Variants in SNX2 observed in about 807,000 individuals in gnomAD.
The protein encoded by SNX2 is sorting nexin 2.
SNX2 carries 25 observed loss-of-function variants against 69.9 expected under a neutral mutation model. The ratio of observed to expected loss-of-function variants is 0.36; its 90% CI spans 0.26 to 0.50. The LOEUF (loss-of-function observed/expected upper bound fraction) is 0.50, where lower values mean the gene tolerates loss of function less well. SNX2 is among the 20% of genes least tolerant of loss of function. The pLI, the probability that SNX2 is intolerant of heterozygous loss-of-function variation, is 0.97. For missense variants in SNX2, 551 were observed against 613.3 expected (o/e 0.90, Z 1.07); for synonymous variants, 229 against 200.4 (o/e 1.14, Z -1.20).
chr5:122,788,573 G>A (rs1002919750), intron 1 of SNX2, among the ~76,000 whole-genome samples: 1 of 151,998 alleles, frequency 6.6e-6, no homozygotes, highest in Non-Finnish European at 1.5e-5. Flanking sequence ...AGTTATCTTT[G>A]TTATTCAGAT....
rs1434828744 is a variant in SNX2 at position 122,833,370 on chromosome 5, T to TA, written c.*3723dup. 5 of 152,288 alleles carry TA rather than the reference T, an allele frequency of 3.3e-5. No individual in the cohort carries two copies. Among genetic ancestry groups the TA allele is most frequent in the African/African-American group, 1.2e-4 (5 of 41,570 alleles). 9.4% of individuals were successfully genotyped at this position (152,288 alleles called of 1,614,324 possible). Reference sequence around the variant, plus strand: ...AGAGCATAGAACAATATAAATATAATATGGGCCATATATATAATTTTAAAA... The same window carrying TA: ...AGAGCATAGAACAATATAAATATAATAATGGGCCATATATATAATTTTAAAA... On this transcript the variant is annotated 3_prime_UTR_variant, in exon 15 of 15. Coordinates refer to ENST00000379516, the MANE Select transcript of SNX2 (RefSeq NM_003100.4).
At chr5:122,826,756 C>A in intron 12 of SNX2, 1 of 383,630 alleles carries the variant, frequency 2.6e-6, no homozygotes, top group Non-Finnish European at 3.6e-6. Flanking sequence ...TTGCTTAAAT[C>A]TTCAGTTATT....
intron 1 of SNX2, among the ~76,000 whole-genome samples, chr5:122,787,897 TATA>T (rs1753129171): frequency 6.6e-6 from 1 of 152,232 alleles, no homozygotes; most frequent in African/African-American, 2.4e-5. Flanking sequence ...TATACTGTAT[TATA>T]ATCTTTACTT....
At chr5:122,799,158 A>C (rs950935796) in intron 2 of SNX2, among the ~76,000 whole-genome samples, 2 of 152,224 alleles carry the variant, frequency 1.3e-5, no homozygotes, top group East Asian at 3.9e-4. Flanking sequence ...CTAAACACCT[A>C]TTTGTTTTGT....
Position 122,808,314 on chromosome 5 carries a change from A to G in SNX2, c.681A>G (p.Ser227=). 6.2e-7 allele frequency: 1 copy of G among 1,611,550 alleles called. No homozygotes were observed. The highest frequency in any genetic ancestry group is 2.2e-5 in the East Asian group (1 of 44,698). Residue 227 remains serine, a synonymous_variant, in exon 7 of 15, where the codon TCA becomes TCG. Transcript: ENST00000379516. ...TCAAAGTGGGTAAAGAAGACTCATC[A>G]TCCACTGAGTTTGTAGAAAAACGGA... ...TKVKVGKEDS[S]STEFVEKRRA...
At chr5:122,784,537 A>G (rs1197752945) in intron 1 of SNX2, among the ~76,000 whole-genome samples, 1 of 151,872 alleles carries the variant, frequency 6.6e-6, no homozygotes, top group Non-Finnish European at 1.5e-5. Flanking sequence ...CCCCACCCTC[A>G]GAATGATTTT....
intron 1 of SNX2, among the ~76,000 whole-genome samples, chr5:122,793,707 C>T (rs1055918485): frequency 1.3e-5 from 2 of 151,662 alleles, no homozygotes; most frequent in African/African-American, 4.8e-5. Flanking sequence ...GTCAGGAGTT[C>T]GAGACCAGCC....
In SNX2 at chr5:122,829,663, C is replaced by A. The variant is rs1326537264; in HGVS notation, c.*15C>A. ...CCATTGCCTAGCAATAAGATTGTTG[C>A]CGTTAAGAAGACCTTGGATGTTGTT... On this transcript the variant is annotated 3_prime_UTR_variant, in exon 15 of 15. Coordinates refer to ENST00000379516, the MANE Select transcript of SNX2 (RefSeq NM_003100.4). 1 of 1,609,546 alleles carries A rather than the reference C, an allele frequency of 6.2e-7. No homozygotes were observed. The highest frequency in any genetic ancestry group is 2.2e-5 in the East Asian group (1 of 44,824).
intron 8 of SNX2, among the ~76,000 whole-genome samples, chr5:122,816,491 C>G (rs1753902500): frequency 6.6e-6 from 1 of 152,054 alleles, no homozygotes; most frequent in Non-Finnish European, 1.5e-5. Flanking sequence ...ACTTGAGTTG[C>G]AGAATTTTTA....
In SNX2 at chr5:122,817,335, T is replaced by A; in HGVS notation, c.968T>A (p.Leu323His). ...AATCTGGATCAGCAACTTAGGAAAC[T>A]TCATGTCAGTGTTGAAGCCTTGGTC... is the stretch of plus-strand genomic sequence containing the variant. ...FENLDQQLRK[L>H]HVSVEALVCH... Residue 323 changes from leucine to histidine, a missense_variant, in exon 10 of 15, where the codon CTT becomes CAT. This residue lies in a region of SNX2 where 360 missense variants were observed against 450.4 expected (regional missense o/e 0.80). Coordinates refer to ENST00000379516, the MANE Select transcript of SNX2 (RefSeq NM_003100.4). The A allele has an allele frequency of 6.2e-7, 1 of 1,614,008 alleles. No homozygotes were observed. Among genetic ancestry groups the A allele is most frequent in the Non-Finnish European group, 8.5e-7 (1 of 1,179,912 alleles).
intron 1 of SNX2, among the ~76,000 whole-genome samples, chr5:122,789,480 C>CACGG (rs1753176282): frequency 4.0e-5 from 4 of 99,906 alleles, no homozygotes; most frequent in African/African-American, 9.5e-5. Flanking sequence ...CACGGACACA[C>CACGG]ACACACACAC....
intron 14 of SNX2, 45 bp downstream of exon 14, chr5:122,827,691 T>G: frequency 7.3e-7 from 1 of 1,369,952 alleles, no homozygotes; most frequent in Non-Finnish European, 1.0e-6. Flanking sequence ...AATTTGTTTT[T>G]GGTATACTTT....
At chr5:122,779,519 A>G (rs1008722017) in intron 1 of SNX2, among the ~76,000 whole-genome samples, 1 of 152,142 alleles carries the variant, frequency 6.6e-6, no homozygotes, top group African/African-American at 2.4e-5. Context: ...ATAATATTCT[A>G]TAGTATGGCT....
intron 11 of SNX2, among the ~76,000 whole-genome samples, chr5:122,823,954 C>G (rs1754088472): frequency 1.3e-5 from 2 of 152,160 alleles, no homozygotes; most frequent in East Asian, 1.9e-4. Flanking sequence ...GTAATCCCAG[C>G]ACTTTGGGAG....
At chr5:122,802,215 T>TCTTTATTAGGTGGTAAC in intron 5 of SNX2, 91 bp downstream of exon 5, 4 of 1,124,384 alleles carry the variant, frequency 3.6e-6, no homozygotes, top group Non-Finnish European at 5.4e-6. Flanking sequence ...GTGATCCCTG[T>TCTTTATTAGGTGGTAAC]CTTTATAAAG....
intron 1 of SNX2, among the ~76,000 whole-genome samples, chr5:122,786,276 A>G (rs1217694980): frequency 1.3e-5 from 2 of 152,052 alleles, no homozygotes. Context: ...ACATGTGTGT[A>G]GTTATTTTTA....
chr5:122,806,594 T>G (rs1333098997), intron 6 of SNX2, among the ~76,000 whole-genome samples: 1 of 128,764 alleles, frequency 7.8e-6, no homozygotes, highest in Non-Finnish European at 1.6e-5. Context: ...GTAGGTTGTT[T>G]GGGGTTTTAT....
chr5:122,813,929 A>C (rs1753839782), intron 7 of SNX2, among the ~76,000 whole-genome samples: 1 of 151,692 alleles, frequency 6.6e-6, no homozygotes, highest in Admixed American at 6.6e-5. Flanking sequence ...GCATGCCACC[A>C]CCCCCAGCTA....
At chr5:122,823,070 C>T (rs531089432) in intron 11 of SNX2, among the ~76,000 whole-genome samples, 1 of 152,152 alleles carries the variant, frequency 6.6e-6, no homozygotes, top group Non-Finnish European at 1.5e-5. Context: ...CATCTGCAAT[C>T]TTGTCTAACT....
Sources: allele counts gnomAD v4.1 joint callset (sites outside exome capture counted in the v4.1 genomes callset), GRCh38; gene constraint gnomAD v4.1.1; regional missense constraint gnomAD v4.1.1; transcripts MANE v1.5; gene names NCBI Gene and HGNC (gene_info 2026-07-23, HGNC 2026-07-21).